The following CDH13 variants were observed in gnomAD, a reference collection of about 807,000 sequenced individuals.
CDH13 encodes cadherin 13.
In CDH13, 24 loss-of-function variants were observed where a neutral mutation model predicts 63.8. The observed-to-expected ratio is 0.38, with a 90% CI of 0.27 to 0.53. The LOEUF is 0.53. Among genes scored for constraint, CDH13 ranks in the 20% least tolerant of loss-of-function variants. The pLI, the probability that CDH13 is intolerant of heterozygous loss-of-function variation, is 0.85. For missense variants in CDH13, 1,049 were observed against 903.1 expected (o/e 1.16, Z -2.07); for synonymous variants, 503 against 355.3 (o/e 1.42, Z -4.67).
intron 1 of CDH13, among the ~76,000 whole-genome samples, chr16:82,794,394 G>A (rs1220041167): frequency 8.4e-6 from 1 of 118,538 alleles, no homozygotes; most frequent in Non-Finnish European, 2.1e-5. Context: ...ACATCAGAAA[G>A]GAATTTTTTT....
intron 2 of CDH13, among the ~76,000 whole-genome samples, chr16:82,909,250 A>ATGTGTGTGTGTGTG (rs945671440): frequency 1.0e-5 from 1 of 96,244 alleles, no homozygotes; most frequent in African/African-American, 4.3e-5. Flanking sequence ...GACTGACTGT[A>ATGTGTGTGTGTGTG]TATGTGTGTG....
chr16:83,330,969 A>G (rs950364381), intron 5 of CDH13, among the ~76,000 whole-genome samples: 1 of 152,192 alleles, frequency 6.6e-6, no homozygotes, highest in Non-Finnish European at 1.5e-5. Context: ...CTGGTGGATA[A>G]TATTTACTTA....
chr16:83,503,917 T>C (rs1398403871), intron 7 of CDH13, among the ~76,000 whole-genome samples: 1 of 151,812 alleles, frequency 6.6e-6, no homozygotes, highest in Non-Finnish European at 1.5e-5. Flanking sequence ...ATAGTCAATT[T>C]TGGCTTTTGT....
intron 4 of CDH13, among the ~76,000 whole-genome samples, chr16:83,152,588 A>G (rs938946063): frequency 1.6e-4 from 25 of 152,134 alleles, no homozygotes; most frequent in African/African-American, 5.6e-4. Flanking sequence ...TAGGGCTGCC[A>G]TTCAATTGGT....
intron 7 of CDH13, among the ~76,000 whole-genome samples, chr16:83,572,870 G>A (rs1036812595): frequency 3.9e-5 from 6 of 152,128 alleles, no homozygotes; most frequent in South Asian, 2.1e-4. Context: ...GGAAAGTTAC[G>A]CCTTTTGTTT....
At chr16:83,274,095 C>T (rs923648852) in intron 5 of CDH13, among the ~76,000 whole-genome samples, 1 of 152,216 alleles carries the variant, frequency 6.6e-6, no homozygotes, top group African/African-American at 2.4e-5. Flanking sequence ...CACCCTCTCG[C>T]CTTCCCCCAG....
At chr16:83,333,549 G>T (rs1322328867) in intron 5 of CDH13, among the ~76,000 whole-genome samples, 1 of 152,142 alleles carries the variant, frequency 6.6e-6, no homozygotes, top group Non-Finnish European at 1.5e-5. Context: ...TTGCCAGGAA[G>T]ATGGCATTCC....
chr16:83,330,892 T>C (rs1330681263), intron 5 of CDH13, among the ~76,000 whole-genome samples: 1 of 152,268 alleles, frequency 6.6e-6, no homozygotes, highest in African/African-American at 2.4e-5. Flanking sequence ...TGCTTGAGAC[T>C]GTAAACCCTT....
intron 6 of CDH13, 88 bp downstream of exon 6, chr16:83,345,094 G>A (rs2090810976): frequency 1.4e-6 from 2 of 1,423,022 alleles, no homozygotes; most frequent in Admixed American, 2.0e-5. Flanking sequence ...TCTTATGGCT[G>A]TTCCAACTTG....
intron 2 of CDH13, among the ~76,000 whole-genome samples, chr16:82,981,507 A>C (rs1436048151): frequency 6.6e-6 from 1 of 152,048 alleles, no homozygotes; most frequent in Non-Finnish European, 1.5e-5. Flanking sequence ...TGGGGTAAAG[A>C]GTCTTTCCTT....
chr16:83,178,619 C>A (rs2038223690), intron 4 of CDH13, among the ~76,000 whole-genome samples: 1 of 152,120 alleles, frequency 6.6e-6, no homozygotes, highest in Non-Finnish European at 1.5e-5. Flanking sequence ...TTTGTGAATT[C>A]TGTTAGCTGG....
chr16:83,554,981 G>A (rs916663006), intron 7 of CDH13, among the ~76,000 whole-genome samples: 1 of 144,956 alleles, frequency 6.9e-6, no homozygotes, highest in African/African-American at 2.6e-5. Context: ...GATGCTTCCT[G>A]AGGCCACCCC....
chr16:83,092,978 G>A (rs1373730573), intron 3 of CDH13, among the ~76,000 whole-genome samples: 1 of 152,150 alleles, frequency 6.6e-6, no homozygotes, highest in Non-Finnish European at 1.5e-5. Context: ...AGTAAGGAAG[G>A]CACTGTGATA....
intron 8 of CDH13, among the ~76,000 whole-genome samples, chr16:83,643,303 A>AAAC (rs1911482835): frequency 1.4e-5 from 1 of 72,858 alleles, no homozygotes; most frequent in South Asian, 3.8e-4. Flanking sequence ...AAAAAAAAAG[A>AAAC]AAAAAAAAAT....
intron 4 of CDH13, among the ~76,000 whole-genome samples, chr16:83,126,701 A>G (rs1170270632): frequency 6.6e-6 from 1 of 152,236 alleles, no homozygotes; most frequent in Non-Finnish European, 1.5e-5. Context: ...TTACTGTATC[A>G]GACATTGGTG....
chr16:83,180,924 G>A lies in CDH13; in HGVS notation c.484-36421G>A, dbSNP rs772080808. 103 of 1,532,144 alleles carry A rather than the reference G, an allele frequency of 6.7e-5. No individual in the cohort carries two copies. In the Admixed American group the frequency reaches 9.4e-4, roughly 14 times the overall value. 94.9% of individuals were successfully genotyped at this position (1,532,144 alleles called of 1,614,324 possible). On this transcript the variant is annotated intron_variant, in intron 4 of 13. Transcript: ENST00000567109. ...TCTCTTGAATGAAGGCATTACAGCAGATTTAAATCCATGCATTACAATTTT... is the reference window on the plus strand; with the variant it reads ...TCTCTTGAATGAAGGCATTACAGCAAATTTAAATCCATGCATTACAATTTT...
chr16:82,901,090 G>A (rs1268060436), intron 2 of CDH13, among the ~76,000 whole-genome samples: 1 of 115,910 alleles, frequency 8.6e-6, no homozygotes, highest in African/African-American at 3.3e-5. Context: ...TTTTTTTTTT[G>A]CCTTTATTAC....
chr16:82,689,164 CATT>C (rs1186585961), intron 1 of CDH13: 30 of 115,562 alleles, frequency 2.6e-4, no homozygotes, highest in African/African-American at 1.0e-3. Context: ...TGCATCCAAA[CATT>C]TTTTTTTTTT....
At chr16:83,754,352 C>A (rs923469336) in intron 11 of CDH13, among the ~76,000 whole-genome samples, 4 of 152,148 alleles carry the variant, frequency 2.6e-5, no homozygotes, top group African/African-American at 9.7e-5. Context: ...TCCAGACTTT[C>A]AATCAAAATC....
Sources: allele counts gnomAD v4.1 joint callset (sites outside exome capture counted in the v4.1 genomes callset), GRCh38; gene constraint gnomAD v4.1.1; transcripts MANE v1.5; gene names NCBI Gene and HGNC (gene_info 2026-07-23, HGNC 2026-07-21).